CASQ2: variants seen among roughly 807,000 people sequenced by gnomAD.
CASQ2 encodes the protein calsequestrin-2.
In CASQ2, 49 loss-of-function variants were observed where a neutral mutation model predicts 46.5. That is an observed-to-expected ratio of 1.05 (90% CI 0.84 to 1.34). The LOEUF (loss-of-function observed/expected upper bound fraction) is 1.34. CASQ2 is among the 40% of genes most tolerant of loss of function. The probability of loss-of-function intolerance (pLI) is 0.00; values close to 1 mark genes in which losing one functional copy is unlikely to be tolerated. For synonymous variants in CASQ2, 174 were observed against 168.5 expected, an observed-to-expected ratio of 1.03 and a Z score of -0.25; for missense variants, 486 against 481.3, an observed-to-expected ratio of 1.01 and a Z score of -0.09.
intron 1 of CASQ2, among the ~76,000 whole-genome samples, chr1:115,763,686 T>C (rs980958256): frequency 1.3e-5 from 2 of 152,184 alleles, no homozygotes; most frequent in Non-Finnish European, 2.9e-5. Flanking sequence ...CACTGTCATC[T>C]CCATCTTGCA....
At chr1:115,748,053 A>G (rs1333311376) in intron 1 of CASQ2, among the ~76,000 whole-genome samples, 2 of 151,724 alleles carry the variant, frequency 1.3e-5, no homozygotes, top group Non-Finnish European at 2.9e-5. Context: ...AGGTTTATTC[A>G]TTTTTCCTTT....
At chr1:115,757,041 G>A (rs922606813) in intron 1 of CASQ2, among the ~76,000 whole-genome samples, 11 of 152,104 alleles carry the variant, frequency 7.2e-5, no homozygotes, top group African/African-American at 2.2e-4. Context: ...TTGGGCTTGC[G>A]CAATACCGGG....
intron 1 of CASQ2, among the ~76,000 whole-genome samples, chr1:115,751,896 G>T (rs1648595189): frequency 6.6e-6 from 1 of 152,160 alleles, no homozygotes; most frequent in African/African-American, 2.4e-5. Flanking sequence ...AGCCTCATCT[G>T]GGGTCACTCT....
intron 2 of CASQ2, among the ~76,000 whole-genome samples, chr1:115,743,662 G>T (rs1028410109): frequency 6.7e-6 from 1 of 149,340 alleles, no homozygotes; most frequent in African/African-American, 2.5e-5. Context: ...TTATGTACCT[G>T]AAAGTATTCA....
chr1:115,743,954 T>C (rs1258739442), intron 2 of CASQ2, among the ~76,000 whole-genome samples: 1 of 145,584 alleles, frequency 6.9e-6, no homozygotes, highest in East Asian at 2.0e-4. Context: ...CTGGCCAACA[T>C]GGTGAAACCC....
chr1:115,726,947 T>TG, intron 6 of CASQ2, 45 bp downstream of exon 6: 165 of 1,036,412 alleles, frequency 1.6e-4, no homozygotes, highest in Non-Finnish European at 2.3e-4. Context: ...TCCTCTCCAT[T>TG]CCCCAGACCC....
At chr1:115,728,611 T>A (rs1163105471) in intron 5 of CASQ2, among the ~76,000 whole-genome samples, 2 of 152,200 alleles carry the variant, frequency 1.3e-5, no homozygotes, top group Non-Finnish European at 2.9e-5. Context: ...GTGATCAGAA[T>A]GAAAACAGTA....
At chr1:115,736,066 G>A (rs1305014962) in intron 4 of CASQ2, among the ~76,000 whole-genome samples, 3 of 151,694 alleles carry the variant, frequency 2.0e-5, no homozygotes, top group African/African-American at 7.3e-5. Context: ...AGGAGGCTGA[G>A]GCAGGAGAGT....
At chr1:115,719,653 G>T (rs567868423) in intron 7 of CASQ2, among the ~76,000 whole-genome samples, 1 of 152,246 alleles carries the variant, frequency 6.6e-6, no homozygotes, top group Admixed American at 6.5e-5. Flanking sequence ...GCAGGCCAGC[G>T]CTAGGTGCCA....
intron 1 of CASQ2, among the ~76,000 whole-genome samples, chr1:115,755,288 G>T (rs1479241943): frequency 6.6e-6 from 1 of 152,176 alleles, no homozygotes; most frequent in East Asian, 1.9e-4. Context: ...GTGCCCCAGA[G>T]CCTGTGAAAA....
At chr1:115,718,992 A>G (rs990262706) in intron 7 of CASQ2, among the ~76,000 whole-genome samples, 1 of 152,110 alleles carries the variant, frequency 6.6e-6, no homozygotes, top group Non-Finnish European at 1.5e-5. Context: ...CCTGAACATC[A>G]TATCAGAATC....
chr1:115,762,251 C>T (rs1648988703), intron 1 of CASQ2, among the ~76,000 whole-genome samples: 2 of 152,172 alleles, frequency 1.3e-5, no homozygotes, highest in African/African-American at 2.4e-5. Context: ...CTTTACTGTT[C>T]AGAATCTGGA....
intron 5 of CASQ2, among the ~76,000 whole-genome samples, chr1:115,729,263 T>TG (rs1321290363): frequency 1.3e-5 from 2 of 152,086 alleles, no homozygotes; most frequent in Non-Finnish European, 2.9e-5. Context: ...TTGGCCAGGC[T>TG]GGTCTTGAAC....
At chr1:115,734,602 C>T (rs1193421173) in intron 4 of CASQ2, among the ~76,000 whole-genome samples, 2 of 152,196 alleles carry the variant, frequency 1.3e-5, no homozygotes, top group East Asian at 3.9e-4. Flanking sequence ...CTTTCCCTGC[C>T]TCCTGACCAG....
At chr1:115,712,430 C>T (rs2999462) in intron 8 of CASQ2, among the ~76,000 whole-genome samples, 5,314 of 152,192 alleles carry the variant, frequency 0.035, 312 homozygotes, top group African/African-American at 0.12. Flanking sequence ...AGCCCAGACT[C>T]GGGGCTGGAC....
chr1:115,724,550 G>A (rs1430999454), intron 7 of CASQ2, among the ~76,000 whole-genome samples: 1 of 152,194 alleles, frequency 6.6e-6, no homozygotes, highest in Non-Finnish European at 1.5e-5. Context: ...TTTGAAAAAT[G>A]CTCCACAGCC....
intron 1 of CASQ2, among the ~76,000 whole-genome samples, chr1:115,755,856 G>T (rs547704880): frequency 2.6e-5 from 4 of 152,172 alleles, no homozygotes; most frequent in Non-Finnish European, 4.4e-5. Context: ...TAAGTGACCC[G>T]CCTGCAGTCA....
intron 7 of CASQ2, among the ~76,000 whole-genome samples, chr1:115,722,745 G>T (rs575099590): frequency 6.6e-6 from 1 of 152,090 alleles, no homozygotes; most frequent in Admixed American, 6.6e-5. Context: ...CAAATTAAAG[G>T]TGACTAAGGA....
intron 7 of CASQ2, among the ~76,000 whole-genome samples, chr1:115,718,985 G>GAACATC (rs1334375003): frequency 6.6e-6 from 1 of 152,048 alleles, no homozygotes; most frequent in Non-Finnish European, 1.5e-5. Flanking sequence ...TGGGCACCCT[G>GAACATC]AACATCATAT....
Sources: allele counts gnomAD v4.1 joint callset (sites outside exome capture counted in the v4.1 genomes callset), GRCh38; gene constraint gnomAD v4.1.1; transcripts MANE v1.5; gene names NCBI Gene and HGNC (gene_info 2026-07-23, HGNC 2026-07-21).